The following PIK3C2G variants were observed in gnomAD, a reference collection of about 807,000 sequenced individuals.
PIK3C2G encodes the protein phosphatidylinositol-4-phosphate 3-kinase catalytic subunit type 2 gamma.
PIK3C2G carries 168 observed loss-of-function variants against 181.1 expected under a neutral mutation model. That is an observed-to-expected ratio of 0.93 (90% CI 0.82 to 1.05). The LOEUF (loss-of-function observed/expected upper bound fraction) is 1.05. Ranked by LOEUF, PIK3C2G falls within the 50% of genes least tolerant of loss-of-function variation. The pLI is 0.00. For synonymous variants in PIK3C2G, 573 were observed against 592.2 expected (o/e 0.97, Z 0.47); for missense variants, 1,869 against 1,732.8 (o/e 1.08, Z -1.40).
chr12:18,699,942 C>A, the PIK3C2G span: 5 of 1,609,104 alleles, frequency 3.1e-6, no homozygotes, highest in Non-Finnish European at 4.2e-6. Context: ...CAATTTTTAG[C>A]TTCCTGGTCT....
chr12:18,693,872 C>T, the PIK3C2G span: 1 of 1,532,632 alleles, frequency 6.5e-7, no homozygotes, highest in Non-Finnish European at 9.0e-7. Context: ...GCCCATCTTT[C>T]AGATTCACAC....
the PIK3C2G span, among the ~76,000 whole-genome samples, chr12:18,669,657 C>A: frequency 2.1e-5 from 3 of 144,660 alleles, no homozygotes; most frequent in African/African-American, 7.6e-5. Context: ...TCTGGTGTCT[C>A]TTCCTCTCTT....
chr12:18,685,844 G>A, the PIK3C2G span, among the ~76,000 whole-genome samples: 11 of 48,232 alleles, frequency 2.3e-4, no homozygotes, highest in South Asian at 9.4e-4. Context: ...ACACACACAC[G>A]CGCACACACA....
At chr12:18,597,727 A>G (rs1487492487) in intron 30 of PIK3C2G, among the ~76,000 whole-genome samples, 1 of 151,970 alleles carries the variant, frequency 6.6e-6, no homozygotes, top group African/African-American at 2.4e-5. Flanking sequence ...TGCAGACGAC[A>G]TGATTGTATA....
intron 12 of PIK3C2G, among the ~76,000 whole-genome samples, chr12:18,368,101 C>G (rs990094804): frequency 3.3e-5 from 5 of 152,116 alleles, no homozygotes; most frequent in African/African-American, 1.2e-4. Flanking sequence ...GTCACCTCCT[C>G]CCAGGTGCCT....
chr12:18,525,855 A>G (rs1565476659), intron 24 of PIK3C2G, among the ~76,000 whole-genome samples: 1 of 152,188 alleles, frequency 6.6e-6, no homozygotes, highest in African/African-American at 2.4e-5. Flanking sequence ...TTCTTTTCCT[A>G]TTGAAATATT....
At chr12:18,514,549 C>G (rs2136154616) in intron 24 of PIK3C2G, among the ~76,000 whole-genome samples, 1 of 151,872 alleles carries the variant, frequency 6.6e-6, no homozygotes, top group South Asian at 2.1e-4. Flanking sequence ...AGGTAGTTCT[C>G]TACTGGCATA....
the PIK3C2G span, among the ~76,000 whole-genome samples, chr12:18,721,564 G>A: frequency 1.3e-5 from 2 of 151,978 alleles, no homozygotes; most frequent in African/African-American, 2.4e-5. Context: ...GAAGTTTACA[G>A]TGCCAAAGTA....
chr12:18,683,484 A>T, the PIK3C2G span: 3 of 1,480,996 alleles, frequency 2.0e-6, no homozygotes, highest in South Asian at 3.7e-5. Flanking sequence ...ACAAAAATTA[A>T]ATATTTGCAT....
At chr12:18,346,945 G>A (rs1939726557) in intron 11 of PIK3C2G, 109 bp downstream of exon 11, 3 of 602,242 alleles carry the variant, frequency 5.0e-6, no homozygotes, top group Non-Finnish European at 5.4e-6. Context: ...ATAAAATTTT[G>A]GAATTAATCA....
the PIK3C2G span, among the ~76,000 whole-genome samples, chr12:18,657,277 G>A: frequency 1.3e-5 from 2 of 152,068 alleles, no homozygotes; most frequent in South Asian, 2.1e-4. Flanking sequence ...GATGTTTTGG[G>A]GAATAAGGGC....
chr12:18,399,839 G>A lies in PIK3C2G; in HGVS notation c.2307G>A (p.Leu769=), dbSNP rs1295080808. The change falls in exon 16 of 33, where the codon TTG becomes TTA. Residue 769 remains leucine, a synonymous_variant. Coordinates refer to ENST00000538779, the MANE Select transcript of PIK3C2G (RefSeq NM_001288772.2). ...FSQPLEALGL[L]TSSFPDQEIR... ...AACCTTTAGAGGCTCTTGGGCTTTTGACTTCCAGGTAAGAATTGCATAACA... is the reference window on the plus strand; with the variant it reads ...AACCTTTAGAGGCTCTTGGGCTTTTAACTTCCAGGTAAGAATTGCATAACA... 2 of 1,570,992 alleles carry A rather than the reference G, an allele frequency of 1.3e-6. No individual in the cohort carries two copies. Among genetic ancestry groups the A allele is most frequent in the East Asian group, 4.5e-5 (2 of 44,354 alleles).
Position 18,561,301 on chromosome 12 carries a change from C to T in PIK3C2G, c.3591-1402C>T, listed in dbSNP as rs566230559. Among the ~76,000 whole-genome samples the T allele has an allele frequency of 3.7e-4, 57 of 152,164 alleles. 1 individual carries two copies. In the South Asian group the frequency reaches 4.4e-3, roughly 12 times the overall value. Reference sequence around the variant, plus strand: ...GTACAGTTCAATTGTACTATACAATCGTAGGTCAATAAAAAAATGGAGGTG... The same window carrying T: ...GTACAGTTCAATTGTACTATACAATTGTAGGTCAATAAAAAAATGGAGGTG... On this transcript the variant is annotated intron_variant, in intron 26 of 32. Transcript: ENST00000538779.
chr12:18,464,527 G>C (rs1487291113), intron 18 of PIK3C2G, among the ~76,000 whole-genome samples: 1 of 152,050 alleles, frequency 6.6e-6, no homozygotes, highest in Non-Finnish European at 1.5e-5. Context: ...TAGGAACTTT[G>C]ACAACTCCTA....
the PIK3C2G span, among the ~76,000 whole-genome samples, chr12:18,713,396 A>G: frequency 1.3e-5 from 2 of 152,178 alleles, no homozygotes; most frequent in Non-Finnish European, 2.9e-5. Flanking sequence ...AAGCCCTCTC[A>G]GAATAGTAAA....
intron 28 of PIK3C2G, among the ~76,000 whole-genome samples, chr12:18,565,034 AT>A (rs1386661459): frequency 6.6e-6 from 1 of 152,000 alleles, no homozygotes; most frequent in Non-Finnish European, 1.5e-5. Flanking sequence ...TCTTACATTG[AT>A]TTTCAAACTG....
intron 31 of PIK3C2G, among the ~76,000 whole-genome samples, chr12:18,639,557 T>G (rs1949756989): frequency 6.6e-6 from 1 of 152,190 alleles, no homozygotes; most frequent in South Asian, 2.1e-4. Context: ...TACTCTACAG[T>G]TGGTCAAGAT....
Position 18,287,216 on chromosome 12 carries a change from A to ATTT in PIK3C2G, c.761+296_761+298dup, listed in dbSNP as rs939115113. On this transcript the variant is annotated intron_variant, in intron 3 of 32. Transcript: ENST00000538779. Reference sequence around the variant, plus strand: ...TTGTTGGTGGTTTGGTTTGCAGTGAATTTTTTTTTTTGTTTAATGACGTAA... The same window carrying ATTT: ...TTGTTGGTGGTTTGGTTTGCAGTGAATTTTTTTTTTTTTTGTTTAATGACGTAA... 2.0e-5 allele frequency among the ~76,000 whole-genome samples: 3 copies of ATTT among 147,936 alleles called. No homozygotes were observed. The East Asian group carries it at 5.9e-4, about 29-fold the overall frequency.
At chr12:18,457,367 T>C (rs1947686184) in intron 18 of PIK3C2G, among the ~76,000 whole-genome samples, 1 of 152,246 alleles carries the variant, frequency 6.6e-6, no homozygotes, top group Non-Finnish European at 1.5e-5. Flanking sequence ...AGTGTACTAA[T>C]AATTTAACAA....
Sources: gnomAD v4.1 joint callset for allele counts (sites outside exome capture counted in the v4.1 genomes callset) on GRCh38, gnomAD v4.1.1 for gene constraint, MANE v1.5 for transcripts, NCBI Gene and HGNC (gene_info 2026-07-23, HGNC 2026-07-21) for gene names.